TENM1: variants seen among roughly 807,000 people sequenced by gnomAD.
The protein encoded by TENM1 is teneurin transmembrane protein 1.
In TENM1, 35 loss-of-function variants were observed where a neutral mutation model predicts 174.8. The observed-to-expected ratio is 0.20, with a 90% CI of 0.15 to 0.27. The LOEUF (loss-of-function observed/expected upper bound fraction) is 0.27. TENM1 is among the 10% of genes least tolerant of loss of function. TENM1 has a pLI of 1.00. For synonymous variants in TENM1, 781 were observed against 798.7 expected (o/e 0.98, Z 0.37); for missense variants, 1,633 against 2,130.1 (o/e 0.77, Z 4.59).
At chrX:124,918,584 A>T (rs1384711745) in intron 1 of TENM1, among the ~76,000 whole-genome samples, 2 of 110,963 alleles carry the variant, frequency 1.8e-5, no homozygotes, top group Admixed American at 9.7e-5. Flanking sequence ...AAAAAAAAAA[A>T]AATACTATTC....
chrX:124,430,152 A>G (rs1253052975), intron 23 of TENM1, among the ~76,000 whole-genome samples: 1 of 111,749 alleles, frequency 8.9e-6, no homozygotes, highest in African/African-American at 3.3e-5. Flanking sequence ...ATATCCTTTT[A>G]TCCAACCATC....
intron 23 of TENM1, among the ~76,000 whole-genome samples, chrX:124,441,212 T>C (rs896608584): frequency 3.6e-5 from 4 of 111,659 alleles, no homozygotes; most frequent in African/African-American, 9.8e-5. Context: ...ACACCCAGGA[T>C]TGTCTATACT....
chrX:124,385,730 G>A, exon 29 of TENM1: 1 of 1,209,767 alleles, frequency 8.3e-7, no homozygotes, highest in East Asian at 3.0e-5. Flanking sequence ...CAGGTGTATT[G>A]TCTTAATCAC....
chrX:124,798,643 G>A (rs1283921348), intron 3 of TENM1, among the ~76,000 whole-genome samples: 8 of 111,376 alleles, frequency 7.2e-5, no homozygotes, highest in Non-Finnish European at 3.8e-5. Flanking sequence ...TAGGTTGCCT[G>A]TTCACTCTAA....
intron 1 of TENM1, among the ~76,000 whole-genome samples, chrX:124,930,988 C>T (rs183731268): frequency 4.0e-4 from 44 of 111,231 alleles, no homozygotes; most frequent in African/African-American, 9.5e-4. Flanking sequence ...TGAATAGACA[C>T]GAGGGAAGAT....
At chrX:124,602,614 G>C (rs1218924553) in intron 11 of TENM1, among the ~76,000 whole-genome samples, 2 of 110,548 alleles carry the variant, frequency 1.8e-5, no homozygotes, top group African/African-American at 6.6e-5. Context: ...AAGGGTGAGG[G>C]ACAAGGACAG....
chrX:124,610,272 T>C (rs2050250533), intron 11 of TENM1, among the ~76,000 whole-genome samples: 1 of 112,423 alleles, frequency 8.9e-6, no homozygotes, highest in African/African-American at 3.2e-5. Context: ...AGATTCTGTT[T>C]ATAGTGCAAT....
chrX:124,736,307 T>C (rs186828340), intron 4 of TENM1, among the ~76,000 whole-genome samples: 16 of 112,078 alleles, frequency 1.4e-4, no homozygotes, highest in Non-Finnish European at 2.6e-4. Flanking sequence ...TCAAGGGACC[T>C]AGAACTGCAA....
At chrX:125,145,044 G>A in the TENM1 span, among the ~76,000 whole-genome samples, 4 of 111,333 alleles carry the variant, frequency 3.6e-5, no homozygotes, top group Non-Finnish European at 7.5e-5. Context: ...CACCTTGTCC[G>A]GCTGCTCATA....
intron 23 of TENM1, among the ~76,000 whole-genome samples, chrX:124,441,937 AT>A (rs1305370099): frequency 8.9e-6 from 1 of 112,091 alleles, no homozygotes; most frequent in East Asian, 2.8e-4. Flanking sequence ...GGCCTCATTA[AT>A]TTGCTGTTTG....
intron 5 of TENM1, among the ~76,000 whole-genome samples, chrX:124,692,728 C>T (rs1420753881): frequency 9.1e-6 from 1 of 109,290 alleles, no homozygotes; most frequent in Non-Finnish European, 1.9e-5. Flanking sequence ...AAATTCTGGC[C>T]GGGCACGGTG....
At chrX:125,147,394 G>A in the TENM1 span, among the ~76,000 whole-genome samples, 5 of 110,530 alleles carry the variant, frequency 4.5e-5, no homozygotes, top group African/African-American at 1.3e-4. Flanking sequence ...ATAAGCTGTC[G>A]CAGCTCTAAT....
At chrX:124,644,044 C>CATATATATATATATAT (rs72253813) in intron 10 of TENM1, among the ~76,000 whole-genome samples, 2 of 79,201 alleles carry the variant, frequency 2.5e-5, no homozygotes, top group African/African-American at 9.0e-5. Context: ...ATATAAATGG[C>CATATATATATATATAT]ATATATATAT....
chrX:125,178,082 A>G, the TENM1 span, among the ~76,000 whole-genome samples: 2 of 111,395 alleles, frequency 1.8e-5, no homozygotes, highest in African/African-American at 6.5e-5. Context: ...ACAAATTACA[A>G]GTACATAATC....
chrX:125,168,929 G>C, the TENM1 span, among the ~76,000 whole-genome samples: 2 of 110,738 alleles, frequency 1.8e-5, no homozygotes, highest in African/African-American at 3.3e-5. Flanking sequence ...GTCATTGCAG[G>C]CCACTTAGTT....
intron 27 of TENM1, among the ~76,000 whole-genome samples, chrX:124,402,554 G>A (rs1307220702): frequency 8.9e-6 from 1 of 112,351 alleles, no homozygotes. Flanking sequence ...GGGATATGGG[G>A]TGTAAATTAC....
chrX:124,496,965 G>T, intron 20 of TENM1, 51 bp downstream of exon 23: 1 of 1,156,975 alleles, frequency 8.6e-7, no homozygotes. Flanking sequence ...ATATTATCTT[G>T]CTTTTTGCTT....
intron 1 of TENM1, among the ~76,000 whole-genome samples, chrX:124,957,085 G>T (rs1186270753): frequency 8.9e-6 from 1 of 111,802 alleles, no homozygotes; most frequent in African/African-American, 3.3e-5. Context: ...AGTCACTAGG[G>T]TACATTTATT....
At chrX:124,389,605 CCCTCCCTCCCTG>C (rs1028796093) in intron 28 of TENM1, among the ~76,000 whole-genome samples, 7 of 110,202 alleles carry the variant, frequency 6.4e-5, no homozygotes, top group Non-Finnish European at 9.5e-5. Context: ...TTAATTTCCT[CCCTCCCTCCCTG>C]CCTCCCTCCC....
Sources: allele counts gnomAD v4.1 joint callset (sites outside exome capture counted in the v4.1 genomes callset), GRCh38; gene constraint gnomAD v4.1.1; transcripts MANE v1.5; gene names NCBI Gene and HGNC (gene_info 2026-07-23, HGNC 2026-07-21).